The following NTRK1 variants were observed in gnomAD, a reference collection of about 807,000 sequenced individuals.
The protein encoded by NTRK1 is high affinity nerve growth factor receptor.
In NTRK1, 62 loss-of-function variants were observed where a neutral mutation model predicts 86.8. The ratio of observed to expected loss-of-function variants is 0.71; its 90% confidence interval spans 0.58 to 0.88. NTRK1 has a LOEUF of 0.88. NTRK1 is among the 40% of genes least tolerant of loss of function. NTRK1 has a pLI of 0.00. For missense variants in NTRK1, 967 were observed against 1,078.4 expected, an observed-to-expected ratio of 0.90 and a Z score of 1.45; for synonymous variants, 469 against 456.6, an observed-to-expected ratio of 1.03 and a Z score of -0.35.
chr1:156,841,938 C>T, intron 1 of NTRK1: 2 of 1,550,776 alleles, frequency 1.3e-6, no homozygotes, highest in Non-Finnish European at 1.8e-6. Flanking sequence ...GACCTCAGAA[C>T]TCATCCCATC....
rs570378978 is a variant in NTRK1, at chr1:156,866,380, G to C, written c.360-530G>C. 2.0e-5 allele frequency among the ~76,000 whole-genome samples: 3 copies of C among 152,316 alleles called. No homozygotes were observed. The East Asian group carries it at 5.8e-4, about 29-fold the overall frequency. On this transcript the variant is annotated intron_variant, in intron 3 of 16. Transcript: ENST00000524377. Reference sequence around the variant, plus strand: ...ACAACGAGGGGGCTGGGGGTGTGGGGGTGTGGGTCCTTTCCTGCCTGACCT... The same window carrying C: ...ACAACGAGGGGGCTGGGGGTGTGGGCGTGTGGGTCCTTTCCTGCCTGACCT...
chr1:156,871,817 G>A, intron 7 of NTRK1, 62 bp downstream of exon 7: 6 of 1,608,978 alleles, frequency 3.7e-6, no homozygotes, highest in Middle Eastern at 1.7e-4. Flanking sequence ...CTCAAAAGAG[G>A]ATGTAGGGTG....
chr1:156,851,212 C>T (rs1345414088), intron 2 of NTRK1: 2 of 1,567,200 alleles, frequency 1.3e-6, no homozygotes, highest in Non-Finnish European at 1.8e-6. Context: ...TTCCAGAGCC[C>T]ATTCTCTTCA....
chr1:156,861,200 C>A, intron 1 of NTRK1, 54 bp downstream of exon 1: 1 of 1,517,822 alleles, frequency 6.6e-7, no homozygotes, highest in Non-Finnish European at 8.8e-7. Flanking sequence ...CATTGCAGTG[C>A]CCCGAGGGCG....
intron 14 of NTRK1, 53 bp from the exon 15 acceptor site, chr1:156,879,069 C>T (rs1169100456): frequency 1.9e-6 from 3 of 1,606,502 alleles, no homozygotes; most frequent in Non-Finnish European, 2.5e-6. Context: ...CTTCCTCAGG[C>T]TCCTGGGAGT....
At position 156,868,261 on chromosome 1, in the gene NTRK1, G is replaced by A. The variant is rs1271820939; in HGVS notation, c.574+12G>A. 6.2e-7 allele frequency: 1 copy of A among 1,606,282 alleles called. No individual in the cohort carries two copies. Among genetic ancestry groups the A allele is most frequent in the Non-Finnish European group, 8.5e-7 (1 of 1,179,872 alleles). On this transcript the variant is annotated intron_variant, in intron 5 of 16. Transcript: ENST00000524377. ...CAATGCCAGCTGTGGTAGGTGCCGG[G>A]TGAGGGAGGTGGTGTAAGGGGGCTG...
intron 2 of NTRK1, chr1:156,845,159 A>T (rs1374535164): frequency 6.2e-7 from 1 of 1,611,782 alleles, no homozygotes; most frequent in Non-Finnish European, 8.5e-7. Flanking sequence ...ATGGATGTCG[A>T]TCCGGTATTC....
At chr1:156,833,045 C>T (rs1161066817) in intron 1 of NTRK1, among the ~76,000 whole-genome samples, 1 of 152,188 alleles carries the variant, frequency 6.6e-6, no homozygotes, top group African/African-American at 2.4e-5. Flanking sequence ...AGGACTTATG[C>T]CCACCCATCT....
chr1:156,877,729 G>A (rs1038203389), intron 14 of NTRK1, among the ~76,000 whole-genome samples: 1 of 152,232 alleles, frequency 6.6e-6, no homozygotes, highest in Admixed American at 6.5e-5. Context: ...ATGAGCAAGC[G>A]CTGTATGGTT....
chr1:156,845,258 C>T, intron 2 of NTRK1: 1 of 1,611,770 alleles, frequency 6.2e-7, no homozygotes, highest in Non-Finnish European at 8.5e-7. Context: ...GCCCCCCAGC[C>T]GGAGGGGCCC....
intron 2 of NTRK1, chr1:156,845,903 C>G (rs1339090428): frequency 3.1e-6 from 5 of 1,600,174 alleles, no homozygotes; most frequent in Middle Eastern, 1.7e-4. Flanking sequence ...GCCTCCATCT[C>G]CCCTTCCCCA....
Position 156,864,718 on chromosome 1 carries a change from C to G in NTRK1, c.288-10C>G, listed in dbSNP as rs762967707. 1.2e-6 allele frequency: 2 copies of G among 1,613,886 alleles called. No homozygotes were observed. The highest frequency in any genetic ancestry group is 2.2e-5 in the South Asian group (2 of 90,996). ...GACCTGGGGACTGATCCTCCTGCAC[C>G]CCTCCCCAGCACCATCGTGAAGAGT... On this transcript the variant is annotated splice_polypyrimidine_tract_variant and intron_variant, in intron 2 of 16. Coordinates refer to ENST00000524377, the MANE Select transcript of NTRK1 (RefSeq NM_002529.4).
At chr1:156,862,818 G>T (rs1380791126) in intron 1 of NTRK1, among the ~76,000 whole-genome samples, 1 of 152,120 alleles carries the variant, frequency 6.6e-6, no homozygotes, top group East Asian at 1.9e-4. Flanking sequence ...CAGGGGCTGG[G>T]GGGTGGGTAG....
At chr1:156,851,049 T>G (rs1655187196) in intron 2 of NTRK1, 5 of 558,310 alleles carry the variant, frequency 9.0e-6, no homozygotes, top group Middle Eastern at 3.2e-4. Context: ...CAGGCATTGT[T>G]TTATGTGCTT....
rs144015813 is a variant in NTRK1 at position 156,873,709 on chromosome 1, G to A, written c.927G>A (p.Pro309=). Residue 309 remains proline, a synonymous_variant, in exon 8 of 17, where the codon CCG becomes CCA. Coordinates refer to ENST00000524377, the MANE Select transcript of NTRK1 (RefSeq NM_002529.4). ...WCIPFSVDGQ[P]APSLRWLFNG... The stretch of plus-strand genomic sequence containing the variant: ...TCCCCTTCTCTGTGGATGGGCAGCC[G>A]GCACCGTCTCTGCGCTGGCTCTTCA... 73 of 1,611,738 alleles carry A rather than the reference G, an allele frequency of 4.5e-5. No individual in the cohort carries two copies. The African/African-American group carries it at 5.6e-4, about 12-fold the overall frequency.
intron 1 of NTRK1, among the ~76,000 whole-genome samples, chr1:156,863,849 A>G (rs1047499873): frequency 3.3e-5 from 5 of 152,098 alleles, no homozygotes; most frequent in African/African-American, 1.2e-4. Flanking sequence ...ACAACCTCCC[A>G]CTGATGAGTG....
At chr1:156,815,866 T>C in intron 1 of NTRK1, 1 of 1,614,152 alleles carries the variant, frequency 6.2e-7, no homozygotes, top group South Asian at 1.1e-5. Flanking sequence ...TCTCTCTCTC[T>C]GTGCCCCAGC....
intron 1 of NTRK1, among the ~76,000 whole-genome samples, chr1:156,819,158 C>A (rs996908251): frequency 1.3e-5 from 2 of 152,152 alleles, no homozygotes; most frequent in African/African-American, 2.4e-5. Context: ...GAGCACCAAC[C>A]ATGCCTGGCT....
chr1:156,873,701 GGGCAGCC>G lies in NTRK1; in HGVS notation c.924_930del (p.Gln308HisfsTer160), dbSNP rs1571695851. On this transcript the variant is annotated frameshift_variant, in exon 8 of 17. Coordinates refer to ENST00000524377, the MANE Select transcript of NTRK1 (RefSeq NM_002529.4). LOFTEE classifies it high-confidence loss of function. Reference sequence around the variant, plus strand: ...CTGGTGCATCCCCTTCTCTGTGGATGGGCAGCCGGCACCGTCTCTGCGCTGGCTCTTC... The same window carrying G: ...CTGGTGCATCCCCTTCTCTGTGGATGGGCACCGTCTCTGCGCTGGCTCTTC... 1.9e-6 allele frequency: 3 copies of G among 1,611,648 alleles called. No homozygotes were observed. The highest frequency in any genetic ancestry group is 2.5e-6 in the Non-Finnish European group (3 of 1,179,442).
Sources: allele counts gnomAD v4.1 joint callset (sites outside exome capture counted in the v4.1 genomes callset), GRCh38; gene constraint gnomAD v4.1.1; transcripts MANE v1.5; gene names NCBI Gene and HGNC (gene_info 2026-07-23, HGNC 2026-07-21).